The following PYY variants were observed in gnomAD, a reference collection of about 807,000 sequenced individuals.
The protein encoded by PYY is peptide YY.
PYY carries 12 observed loss-of-function variants against 10.3 expected under a neutral mutation model. That is an observed-to-expected ratio of 1.17 (90% CI 0.75 to 1.89). PYY has a LOEUF of 1.89. PYY is among the 40% of genes most tolerant of loss of function. The probability of loss-of-function intolerance (pLI) is 0.00; values close to 1 mark genes in which losing one functional copy is unlikely to be tolerated. For synonymous variants in PYY, 66 were observed against 62.0 expected, an observed-to-expected ratio of 1.06 and a Z score of -0.30; for missense variants, 141 against 134.0, an observed-to-expected ratio of 1.05 and a Z score of -0.26.
chr17:43,975,725 A>AAAAT (rs1406282088), intron 1 of PYY, among the ~76,000 whole-genome samples: 1 of 83,772 alleles, frequency 1.2e-5, no homozygotes, highest in Non-Finnish European at 2.0e-5. Flanking sequence ...GAAAAAAAAA[A>AAAAT]ATATATATAT....
chr17:43,983,888 G>T (rs998757510), intron 1 of PYY, among the ~76,000 whole-genome samples: 10 of 152,338 alleles, frequency 6.6e-5, no homozygotes, highest in African/African-American at 2.4e-4. Flanking sequence ...GTCCGGTGCC[G>T]GCCGGGCTGA....
upstream of PYY, chr17:43,957,964 A>G (rs1199948435): frequency 6.5e-6 from 1 of 154,682 alleles, no homozygotes; most frequent in Non-Finnish European, 1.5e-5. Context: ...ACACAGTAAC[A>G]GATACTTGTG....
intron 1 of PYY, among the ~76,000 whole-genome samples, chr17:43,995,990 C>CA (rs1305286484): frequency 6.6e-6 from 1 of 151,522 alleles, no homozygotes; most frequent in East Asian, 1.9e-4. Flanking sequence ...TCTGTCTCTA[C>CA]AAAAAAAGAA....
intron 1 of PYY, among the ~76,000 whole-genome samples, chr17:43,974,794 A>G (rs1448500627): frequency 1.3e-5 from 2 of 152,190 alleles, no homozygotes; most frequent in Non-Finnish European, 2.9e-5. Flanking sequence ...CTGTTCAGCA[A>G]GTGGTGCTGG....
chr17:43,958,010 G>A (rs1424582799), upstream of PYY: 3 of 154,242 alleles, frequency 1.9e-5, no homozygotes, highest in Admixed American at 2.0e-4. Flanking sequence ...CTTCGCTCTA[G>A]GACAGAGGTA....
intron 1 of PYY, among the ~76,000 whole-genome samples, chr17:43,973,157 A>C (rs752744500): frequency 1.7e-4 from 26 of 152,202 alleles, no homozygotes; most frequent in Admixed American, 8.5e-4. Context: ...ATTTAAAAAA[A>C]AAAAGTTATT....
intron 1 of PYY, among the ~76,000 whole-genome samples, chr17:43,982,860 T>C (rs1178437132): frequency 6.6e-6 from 1 of 152,056 alleles, no homozygotes; most frequent in Non-Finnish European, 1.5e-5. Context: ...AGATGACCTT[T>C]GGTAAGGGGT....
intron 1 of PYY, among the ~76,000 whole-genome samples, chr17:43,968,088 C>T (rs765558261): frequency 6.6e-6 from 1 of 152,056 alleles, no homozygotes; most frequent in Admixed American, 6.6e-5. Context: ...TTTCCCTCTC[C>T]GATCAAGAGT....
chr17:43,954,599 C>T (rs1196768858), upstream of PYY, among the ~76,000 whole-genome samples: 4 of 152,110 alleles, frequency 2.6e-5, no homozygotes, highest in Non-Finnish European at 5.9e-5. Flanking sequence ...CCAATCTCCC[C>T]GCCAGAAGCA....
At chr17:43,982,567 G>T (rs530742190) in intron 1 of PYY, among the ~76,000 whole-genome samples, 10 of 152,350 alleles carry the variant, frequency 6.6e-5, no homozygotes, top group African/African-American at 2.4e-4. Flanking sequence ...GAAGGGTTTA[G>T]CTAAGGTTGT....
rs200595903 is a variant in PYY at position 43,976,474 on chromosome 17, C to CAT, written c.-462-9944_-462-9943dup. Among the ~76,000 whole-genome samples the CAT allele has an allele frequency of 9.5e-3, 1,394 of 146,234 alleles. 26 individuals are homozygous for CAT. The highest frequency in any genetic ancestry group is 0.033 in the African/African-American group (1,289 of 39,080). On this transcript the variant is annotated intron_variant, in intron 1 of 6. Coordinates refer to the PYY transcript ENST00000360085. ...ATATACATATATATACACACACACA[C>CAT]ATATATATATATGCCAGCCACGTGT...
At chr17:44,001,862 A>C (rs1313787395) in intron 1 of PYY, among the ~76,000 whole-genome samples, 2 of 152,184 alleles carry the variant, frequency 1.3e-5, no homozygotes, top group African/African-American at 4.8e-5. Context: ...AGGGGTCAGC[A>C]GGGGTGGCCT....
chr17:43,971,536 C>T lies in PYY; in HGVS notation c.-462-5004G>A, dbSNP rs376149697. Among the ~76,000 whole-genome samples, 42 of 150,220 alleles carry T rather than the reference C, an allele frequency of 2.8e-4. No homozygotes were observed. The South Asian group carries it at 7.8e-3, about 28-fold the overall frequency. On this transcript the variant is annotated intron_variant, in intron 1 of 6. Coordinates refer to the PYY transcript ENST00000360085. ...AGTGAGCCAAGATCATGCCACCACA[C>T]TCCAGCCTGGGTGACAGAGCAAGGC...
intron 1 of PYY, among the ~76,000 whole-genome samples, chr17:43,979,470 A>G (rs2048869041): frequency 6.6e-6 from 1 of 152,120 alleles, no homozygotes. Context: ...TGGGAAAAAA[A>G]TTTAAAGGAC....
chr17:43,964,191 C>A (rs901262752), intron 2 of PYY, among the ~76,000 whole-genome samples: 14 of 152,100 alleles, frequency 9.2e-5, no homozygotes, highest in Non-Finnish European at 2.1e-4. Context: ...GTGTTTTATT[C>A]TTTTATTTTT....
chr17:43,959,016 A>G (rs1052461400), intron 2 of PYY, among the ~76,000 whole-genome samples: 11 of 152,234 alleles, frequency 7.2e-5, no homozygotes, highest in Admixed American at 7.2e-4. Context: ...AAAATCTAGA[A>G]GTGTGCTACA....
intron 1 of PYY, among the ~76,000 whole-genome samples, chr17:43,984,946 A>G (rs2143943883): frequency 6.6e-6 from 1 of 152,330 alleles, no homozygotes. Context: ...AAAAGTTGTT[A>G]TATAACTTTT....
chr17:44,004,089 G>A (rs1348619086), intron 1 of PYY, among the ~76,000 whole-genome samples: 1 of 152,066 alleles, frequency 6.6e-6, no homozygotes, highest in Non-Finnish European at 1.5e-5. Context: ...AAGTTTTGAG[G>A]GGTGTTTTGA....
chr17:43,984,025 C>T (rs1178469427), intron 1 of PYY, among the ~76,000 whole-genome samples: 2 of 152,230 alleles, frequency 1.3e-5, no homozygotes, highest in African/African-American at 4.8e-5. Context: ...ACGGCCGCGC[C>T]GCCCCATTTG....
Sources: allele counts gnomAD v4.1 joint callset (sites outside exome capture counted in the v4.1 genomes callset), GRCh38; gene constraint gnomAD v4.1.1; transcripts MANE v1.5; gene names NCBI Gene and HGNC (gene_info 2026-07-23, HGNC 2026-07-21).